NBR1: variants seen among roughly 807,000 people sequenced by gnomAD.
NBR1 encodes the protein next to BRCA1 gene 1 protein.
Under a neutral mutation model 115.5 loss-of-function variants are expected in NBR1, and 59 were observed. That is an observed-to-expected ratio of 0.51 (90% CI 0.41 to 0.63). NBR1 has a LOEUF of 0.63. Ranked by LOEUF, NBR1 falls within the 30% of genes least tolerant of loss-of-function variation. The pLI is 0.00. For missense variants in NBR1, 1,043 were observed against 1,150.5 expected, an observed-to-expected ratio of 0.91 and a Z score of 1.35; for synonymous variants, 373 against 414.7, an observed-to-expected ratio of 0.90 and a Z score of 1.22.
intron 6 of NBR1, among the ~76,000 whole-genome samples, chr17:43,188,511 G>A (rs1440715603): frequency 6.6e-6 from 1 of 152,132 alleles, no homozygotes; most frequent in East Asian, 1.9e-4. Context: ...TGCTTTTGGT[G>A]TTTTAGTCAT....
intron 12 of NBR1, 44 bp downstream of exon 12, chr17:43,193,682 G>A (rs1346592481): frequency 6.5e-7 from 1 of 1,547,928 alleles, no homozygotes; most frequent in African/African-American, 1.4e-5. Context: ...CCAAATCTTA[G>A]TTAGAGAGGA....
At position 43,186,263 on chromosome 17, in the gene NBR1, A is replaced by G. The variant is rs1457355859; in HGVS notation, c.221A>G (p.Gln74Arg). Residue 74 changes from glutamine (Q) to arginine (R), a missense_variant, in exon 6 of 21, where the codon CAG becomes CGG. Gln to Arg is a conservative substitution (Grantham distance 43). Coordinates refer to ENST00000590996, the MANE Select transcript of NBR1 (RefSeq NM_005899.5). ...YEEALKMAVK[Q>R]GNQLQMQVHE... ...GTATGCTCTTAGATGGCAGTTAAAC[A>G]GGGAAACCAACTGCAGATGCAAGTC... is the stretch of plus-strand genomic sequence containing the variant. 4 of 1,574,060 alleles carry G rather than the reference A, an allele frequency of 2.5e-6. 1 individual carries two copies. Among genetic ancestry groups the G allele is most frequent in the South Asian group, 1.2e-5 (1 of 85,194 alleles).
At position 43,172,825 on chromosome 17, in the gene NBR1, A is replaced by ATTAT. The variant is rs562691923; in HGVS notation, c.-10+1538_-10+1541dup. 1.3e-4 allele frequency among the ~76,000 whole-genome samples: 20 copies of ATTAT among 152,110 alleles called. No homozygotes were observed. The East Asian group carries it at 1.5e-3, about 12-fold the overall frequency. ...TTATGGTTCTAAAGACTGGTTTATT[A>ATTAT]TTATTTATTTATTTATTTGAGATGG... On this transcript the variant is annotated intron_variant, in intron 1 of 20. Coordinates refer to ENST00000590996, the MANE Select transcript of NBR1 (RefSeq NM_005899.5).
chr17:43,180,635 T>C, intron 4 of NBR1, 160 bp from the exon 5 acceptor site: 2 of 816,300 alleles, frequency 2.5e-6, no homozygotes, highest in Non-Finnish European at 3.2e-6. Flanking sequence ...GTTCCTCATG[T>C]TGTACAGTCC....
intron 5 of NBR1, among the ~76,000 whole-genome samples, chr17:43,184,213 C>T (rs1209555717): frequency 6.7e-6 from 1 of 150,268 alleles, no homozygotes; most frequent in Non-Finnish European, 1.5e-5. Flanking sequence ...CACCATGCTC[C>T]GATGATTTTT....
chr17:43,188,187 G>A (rs2056864161), intron 6 of NBR1, among the ~76,000 whole-genome samples: 2 of 152,148 alleles, frequency 1.3e-5, no homozygotes, highest in African/African-American at 4.8e-5. Context: ...ACTGCGCCCG[G>A]CCTGATTTGC....
Position 43,209,791 on chromosome 17 carries a change from A to T in NBR1, c.2728-110A>T, listed in dbSNP as rs552333102. 7.4e-5 allele frequency: 109 copies of T among 1,465,854 alleles called. No individual in the cohort carries two copies. The South Asian group carries it at 1.5e-3, about 20-fold the overall frequency. The allele number at this position is 1,465,854 out of a possible 1,614,324, so 90.8% of individuals were successfully genotyped here. A position where few individuals can be genotyped will look rare whatever the true frequency, so the allele number is the denominator to read the frequency against. On this transcript the variant is annotated intron_variant, in intron 20 of 20. Coordinates refer to ENST00000590996, the MANE Select transcript of NBR1 (RefSeq NM_005899.5). ...TGAATCTAATTACCTAGTACTTTGA[A>T]TAAATCTGGAAAGACTAGTATGCTT...
chr17:43,196,673 C>T (rs2057075605), intron 15 of NBR1, 82 bp downstream of exon 15: 2 of 1,093,958 alleles, frequency 1.8e-6, no homozygotes, highest in Non-Finnish European at 2.7e-6. Context: ...CCTACTGACC[C>T]TACCTTAGCA....
intron 17 of NBR1, 132 bp from the exon 18 acceptor site, chr17:43,201,554 A>G: frequency 1.6e-6 from 1 of 635,788 alleles, no homozygotes; most frequent in South Asian, 1.9e-5. Flanking sequence ...CCCTAAATCC[A>G]GACATGTGAT....
chr17:43,201,797 G>A lies in NBR1; in HGVS notation c.2563+17G>A. The A allele has an allele frequency of 4.9e-6, 7 of 1,416,136 alleles. No homozygotes were observed. The highest frequency in any genetic ancestry group is 7.0e-6 in the Non-Finnish European group (7 of 1,001,706). The allele number at this position is 1,416,136 out of a possible 1,614,324, so 87.7% of individuals were successfully genotyped here. A position where few individuals can be genotyped will look rare whatever the true frequency, so the allele number is the denominator to read the frequency against. ...TCAGAGGAGGTAATGATCAGCCTAA[G>A]CTTTTTCTCTTTTTCTCTGCTCCTG... On this transcript the variant is annotated intron_variant, in intron 18 of 20. Transcript: ENST00000590996.
At chr17:43,193,058 A>G in intron 10 of NBR1, 36 bp from the exon 11 acceptor site, 3 of 1,606,270 alleles carry the variant, frequency 1.9e-6, no homozygotes, top group Non-Finnish European at 2.6e-6. Context: ...CTTCACACCC[A>G]ACAGCAAGTG....
At chr17:43,191,706 T>G in intron 10 of NBR1, 125 bp downstream of exon 10, 2 of 658,420 alleles carry the variant, frequency 3.0e-6, no homozygotes, top group East Asian at 5.5e-5. Context: ...CTTTCCATTA[T>G]CTGGTCTTAG....
At position 43,193,140 on chromosome 17, in the gene NBR1, G is replaced by T; in HGVS notation, c.1120G>T (p.Ala374Ser). The change falls in exon 11 of 21, where the codon GCA becomes TCA. Residue 374 changes from alanine (A) to serine (S), a missense_variant. Physicochemically the swap from Ala to Ser is moderately conservative, Grantham distance 99. Transcript: ENST00000590996. ...CTCCGTTATGCCAATGCTCAGTGCA[G>T]CATTTGTGGATGAGAATTTGCCTGA... is the stretch of plus-strand genomic sequence containing the variant. ...CTSVMPMLSA[A>S]FVDENLPDGT... 1.9e-6 allele frequency: 3 copies of T among 1,613,974 alleles called. No individual in the cohort carries two copies. The highest frequency in any genetic ancestry group is 2.5e-6 in the Non-Finnish European group (3 of 1,179,888).
Position 43,193,386 on chromosome 17 carries a change from A to C in NBR1, c.1272A>C (p.Thr424=). 1 of 1,614,000 alleles carries C rather than the reference A, an allele frequency of 6.2e-7. No homozygotes were observed. Among genetic ancestry groups the C allele is most frequent in the Non-Finnish European group, 8.5e-7 (1 of 1,179,874 alleles). Residue 424 remains threonine, a synonymous_variant, in exon 12 of 21, where the codon ACA becomes ACC. Transcript: ENST00000590996. The part of the protein sequence containing the change: ...FMWGNLTLAS[T]EKKDVLVPCL... ...GGGGAAACCTGACTTTGGCTTCCAC[A>C]GAAAAGAAGGATGTTTTGGTTCCCT...
At chr17:43,175,965 A>G (rs2056506621) in intron 2 of NBR1, 64 bp downstream of exon 2, 20 of 951,734 alleles carry the variant, frequency 2.1e-5, no homozygotes, top group South Asian at 2.0e-4. Flanking sequence ...AAAGGTAGCT[A>G]TTTTTAGCAG....
intron 7 of NBR1, 115 bp from the exon 8 acceptor site, chr17:43,189,473 T>G (rs2056892789): frequency 1.4e-6 from 1 of 704,570 alleles, no homozygotes; most frequent in Admixed American, 2.6e-5. Context: ...AGCAGTTGTT[T>G]ATTGTGTTTT....
chr17:43,191,506 A>G lies in NBR1; in HGVS notation c.998A>G (p.Asn333Ser), dbSNP rs1186575569. The G allele has an allele frequency of 1.9e-6, 3 of 1,613,308 alleles. No individual in the cohort carries two copies. Among genetic ancestry groups the G allele is most frequent in the Non-Finnish European group, 1.7e-6 (2 of 1,179,572 alleles). ...LKLHRKIHLW[N>S]SIHGLQSPKS... ...CTCCATAGGAAAATTCACCTGTGGA[A>G]TTCAATCCATGGACTCCAGAGCCCC... Residue 333 changes from asparagine (N) to serine (S), a missense_variant, in exon 10 of 21, where the codon AAT (asparagine) becomes AGT (serine). By Grantham distance (46) the Asn-to-Ser change is conservative. Transcript: ENST00000590996.
chr17:43,179,487 T>G, intron 4 of NBR1, 75 bp downstream of exon 4: 5 of 1,339,820 alleles, frequency 3.7e-6, no homozygotes, highest in Non-Finnish European at 5.3e-6. Context: ...CTATTTATAC[T>G]CAAACCTTAT....
Position 43,210,624 on chromosome 17 carries a change from C to T in NBR1, c.*550C>T. Reference sequence around the variant, plus strand: ...TCTCAAGGAGAAAGTAATTTTCCTGCAATACTTAATAATTGGCACCGTTGC... The same window carrying T: ...TCTCAAGGAGAAAGTAATTTTCCTGTAATACTTAATAATTGGCACCGTTGC... On this transcript the variant is annotated 3_prime_UTR_variant, in exon 21 of 21. Coordinates refer to ENST00000590996, the MANE Select transcript of NBR1 (RefSeq NM_005899.5). 2.5e-6 allele frequency: 1 copy of T among 398,468 alleles called. No homozygotes were observed. Among genetic ancestry groups the T allele is most frequent in the Non-Finnish European group, 4.4e-6 (1 of 226,052 alleles). The allele number at this position is 398,468 out of a possible 1,614,324, so 24.7% of individuals were successfully genotyped here.
Sources: gnomAD v4.1 joint callset for allele counts (sites outside exome capture counted in the v4.1 genomes callset) on GRCh38, gnomAD v4.1.1 for gene constraint, MANE v1.5 for transcripts, NCBI Gene and HGNC (gene_info 2026-07-23, HGNC 2026-07-21) for gene names.